The following NBAS variants were observed in gnomAD, a reference collection of about 807,000 sequenced individuals.
The protein encoded by NBAS is NBAS subunit of NRZ tethering complex.
NBAS carries 219 observed loss-of-function variants against 302.5 expected under a neutral mutation model. The observed-to-expected ratio is 0.72, with a 90% CI of 0.65 to 0.81. NBAS has a LOEUF of 0.81. Among genes scored for constraint, NBAS ranks in the 30% least tolerant of loss-of-function variants. The pLI is 0.00. For missense variants in NBAS, 2,932 were observed against 2,841.6 expected, an observed-to-expected ratio of 1.03 and a Z score of -0.72; for synonymous variants, 1,118 against 1,021.6, an observed-to-expected ratio of 1.09 and a Z score of -1.80.
the NBAS span, among the ~76,000 whole-genome samples, chr2:14,864,441 C>G: frequency 6.6e-6 from 1 of 152,018 alleles, no homozygotes; most frequent in Non-Finnish European, 1.5e-5. Flanking sequence ...GGTAGTGGCA[C>G]AGGTACAGAA....
chr2:15,467,836 T>G, intron 17 of NBAS, 32 bp from the exon 18 acceptor site: 1 of 1,525,830 alleles, frequency 6.6e-7, no homozygotes, highest in Non-Finnish European at 9.0e-7. Flanking sequence ...TATATTTTCA[T>G]CATTTTTAAA....
At chr2:15,526,189 T>A (rs1276115426) in intron 9 of NBAS, among the ~76,000 whole-genome samples, 1 of 152,180 alleles carries the variant, frequency 6.6e-6, no homozygotes, top group South Asian at 2.1e-4. Context: ...GAAGCAAGAC[T>A]GGAATGAGAT....
chr2:14,818,126 A>T, the NBAS span, among the ~76,000 whole-genome samples: 4 of 152,048 alleles, frequency 2.6e-5, no homozygotes, highest in Non-Finnish European at 5.9e-5. Flanking sequence ...TCTGTTTGGG[A>T]GTATCTCAAA....
At chr2:15,292,456 T>C (rs747690601) in intron 41 of NBAS, 81 bp downstream of exon 41, 64 of 1,429,408 alleles carry the variant, frequency 4.5e-5, no homozygotes, top group Non-Finnish European at 6.0e-5. Context: ...TTCAAAGGAC[T>C]GAAATTAATA....
intron 35 of NBAS, among the ~76,000 whole-genome samples, chr2:15,341,697 C>T (rs965388421): frequency 5.9e-5 from 9 of 151,914 alleles, no homozygotes; most frequent in Middle Eastern, 3.2e-3. Context: ...AAAGAGGAAG[C>T]GACTAGTATA....
intron 6 of NBAS, among the ~76,000 whole-genome samples, chr2:15,540,305 C>T (rs1270458057): frequency 6.6e-6 from 1 of 151,960 alleles, no homozygotes; most frequent in East Asian, 2.0e-4. Context: ...AACACACTGC[C>T]TCTCCACCAG....
the NBAS span, among the ~76,000 whole-genome samples, chr2:14,789,576 A>G: frequency 6.6e-6 from 1 of 152,224 alleles, no homozygotes; most frequent in Non-Finnish European, 1.5e-5. Context: ...AAATTTCTGA[A>G]AACTATTGGG....
At chr2:15,373,997 C>A (rs148787393) in intron 31 of NBAS, among the ~76,000 whole-genome samples, 1 of 152,172 alleles carries the variant, frequency 6.6e-6, no homozygotes, top group Non-Finnish European at 1.5e-5. Context: ...GAGATGTAAA[C>A]AGTCCTCACA....
At chr2:15,401,273 T>C (rs1199556415) in intron 26 of NBAS, among the ~76,000 whole-genome samples, 1 of 152,166 alleles carries the variant, frequency 6.6e-6, no homozygotes, top group African/African-American at 2.4e-5. Context: ...AATTGGTGAC[T>C]GCTATCATTT....
the NBAS span, among the ~76,000 whole-genome samples, chr2:14,821,735 G>A: frequency 1.2e-4 from 18 of 152,194 alleles, no homozygotes; most frequent in South Asian, 2.7e-3. Flanking sequence ...AAAATGGGCT[G>A]GGCGCGATGG....
the NBAS span, among the ~76,000 whole-genome samples, chr2:15,154,201 T>C: frequency 6.6e-6 from 1 of 152,212 alleles, no homozygotes; most frequent in South Asian, 2.1e-4. Flanking sequence ...ATGTATTGGG[T>C]ACTCTCTAGG....
At chr2:14,945,056 C>T in the NBAS span, among the ~76,000 whole-genome samples, 662 of 152,300 alleles carry the variant, frequency 4.3e-3, 2 homozygotes, top group Non-Finnish European at 6.2e-3. Context: ...GTAACTCAGC[C>T]AAAGGAGATG....
the NBAS span, among the ~76,000 whole-genome samples, chr2:15,002,787 C>A: frequency 6.6e-6 from 1 of 152,234 alleles, no homozygotes; most frequent in Non-Finnish European, 1.5e-5. Flanking sequence ...GGTGCTAAGC[C>A]CCTCATTGCC....
intron 45 of NBAS, among the ~76,000 whole-genome samples, chr2:15,236,727 T>C (rs1250382333): frequency 6.6e-6 from 1 of 151,942 alleles, no homozygotes; most frequent in Non-Finnish European, 1.5e-5. Flanking sequence ...ACTCTACTTC[T>C]CCTAATTATG....
the NBAS span, among the ~76,000 whole-genome samples, chr2:14,828,032 C>G: frequency 6.6e-6 from 1 of 152,184 alleles, no homozygotes. Context: ...AACACAAAAA[C>G]ATACTATAAT....
Position 15,261,190 on chromosome 2 carries a change from T to G in NBAS, c.5724+14294A>C, listed in dbSNP as rs1279012216. ...TAATAGCCTAACAGTCATCTCTCTG[T>G]GTGCTGATGCCAAATGCTGTGTGTG... On this transcript the variant is annotated intron_variant, in intron 44 of 51. Transcript: ENST00000281513. Among the ~76,000 whole-genome samples, 6 of 152,258 alleles carry G rather than the reference T, an allele frequency of 3.9e-5. No homozygotes were observed. In the East Asian group the frequency reaches 9.6e-4, roughly 24 times the overall value.
At chr2:14,944,168 C>T in the NBAS span, among the ~76,000 whole-genome samples, 1,866 of 152,166 alleles carry the variant, frequency 0.012, 37 homozygotes, top group African/African-American at 0.043. Flanking sequence ...GGCATGGTGG[C>T]GGGCGCCTGT....
At chr2:14,860,026 T>C in the NBAS span, among the ~76,000 whole-genome samples, 2 of 151,722 alleles carry the variant, frequency 1.3e-5, no homozygotes, top group African/African-American at 4.8e-5. Context: ...AAAAAAGATA[T>C]AAATAGAAAT....
intron 35 of NBAS, among the ~76,000 whole-genome samples, chr2:15,349,737 T>C (rs1673260139): frequency 6.6e-6 from 1 of 151,682 alleles, no homozygotes; most frequent in African/African-American, 2.4e-5. Flanking sequence ...GTGGATCACT[T>C]GAGGCCAGGA....
Sources: gnomAD v4.1 joint callset for allele counts (sites outside exome capture counted in the v4.1 genomes callset) on GRCh38, gnomAD v4.1.1 for gene constraint, MANE v1.5 for transcripts, NCBI Gene and HGNC (gene_info 2026-07-23, HGNC 2026-07-21) for gene names.